VGLL3: variants seen among roughly 807,000 people sequenced by gnomAD.
VGLL3 encodes the protein vestigial like family member 3, also known as transcription cofactor vestigial-like protein 3.
Under a neutral mutation model 29.2 loss-of-function variants are expected in VGLL3, and 18 were observed. The observed-to-expected ratio is 0.62, with a 90% CI of 0.43 to 0.91. VGLL3 has a LOEUF of 0.91. Among genes scored for constraint, VGLL3 ranks in the 40% least tolerant of loss-of-function variants. VGLL3 has a pLI of 0.00. For synonymous variants in VGLL3, 180 were observed against 151.8 expected, an observed-to-expected ratio of 1.19 and a Z score of -1.36; for missense variants, 440 against 413.2, an observed-to-expected ratio of 1.06 and a Z score of -0.56.
At chr3:86,964,587 G>A (rs774494942) in intron 3 of VGLL3, among the ~76,000 whole-genome samples, 50 of 152,180 alleles carry the variant, frequency 3.3e-4, no homozygotes, top group Admixed American at 8.5e-4. Flanking sequence ...AGGTAATTAG[G>A]TTATGAGGGT....
In VGLL3 at chr3:86,943,125, T is replaced by C. The variant is rs1033234579; in HGVS notation, c.*3899A>G. The C allele has an allele frequency of 6.6e-6, 1 of 152,182 alleles. No homozygotes were observed. Among genetic ancestry groups the C allele is most frequent in the African/African-American group, 2.4e-5 (1 of 41,452 alleles). The allele number at this position is 152,182 out of a possible 1,614,324, so 9.4% of individuals were successfully genotyped here. On this transcript the variant is annotated 3_prime_UTR_variant, in exon 4 of 4. Coordinates refer to ENST00000398399, the MANE Select transcript of VGLL3 (RefSeq NM_016206.4). The stretch of plus-strand genomic sequence containing the variant: ...AAGCCCCAAACCACACATAAACTTT[T>C]GGCTAAACTAGAATTTAGAGAATGG...
intron 1 of VGLL3, chr3:86,990,238 A>C: frequency 8.6e-6 from 8 of 926,460 alleles, no homozygotes; most frequent in Non-Finnish European, 1.0e-5. Flanking sequence ...CATCAATAAA[A>C]CCCTGAAACA....
At chr3:86,979,230 G>A (rs1705274697) in intron 1 of VGLL3, among the ~76,000 whole-genome samples, 2 of 152,178 alleles carry the variant, frequency 1.3e-5, no homozygotes, top group South Asian at 4.1e-4. Context: ...AGGAATGACT[G>A]TCTGGGGGTG....
chr3:86,961,040 C>T (rs1005236694), intron 3 of VGLL3, among the ~76,000 whole-genome samples: 1 of 150,696 alleles, frequency 6.6e-6, no homozygotes, highest in African/African-American at 2.4e-5. Flanking sequence ...ATGAATACCT[C>T]AATTCTAAGT....
At chr3:86,965,447 C>T (rs1704938220) in intron 3 of VGLL3, among the ~76,000 whole-genome samples, 1 of 152,128 alleles carries the variant, frequency 6.6e-6, no homozygotes, top group Non-Finnish European at 1.5e-5. Flanking sequence ...TCACTGTTCT[C>T]AACTGCTCTG....
chr3:86,952,356 C>A (rs1704634592), intron 3 of VGLL3, among the ~76,000 whole-genome samples: 1 of 152,104 alleles, frequency 6.6e-6, no homozygotes, highest in Non-Finnish European at 1.5e-5. Context: ...AGAGTCATAA[C>A]CCACTAAATA....
chr3:86,952,205 G>A (rs1704632244), intron 3 of VGLL3, among the ~76,000 whole-genome samples: 1 of 152,266 alleles, frequency 6.6e-6, no homozygotes, highest in East Asian at 1.9e-4. Flanking sequence ...GAATAACGGA[G>A]CTGCCAGTGG....
At chr3:86,976,700 C>T (rs1014157705) in intron 2 of VGLL3, among the ~76,000 whole-genome samples, 1 of 152,192 alleles carries the variant, frequency 6.6e-6, no homozygotes, top group African/African-American at 2.4e-5. Context: ...ACATTCACAA[C>T]ATCCCACTAA....
intron 2 of VGLL3, among the ~76,000 whole-genome samples, chr3:86,972,409 T>G (rs1705120936): frequency 6.6e-6 from 1 of 152,214 alleles, no homozygotes; most frequent in Non-Finnish European, 1.5e-5. Context: ...CATTTACAAT[T>G]GAAACAATAT....
In VGLL3 at chr3:86,974,076, T is replaced by C. The variant is rs1705159271; in HGVS notation, c.403+4450A>G. Among the ~76,000 whole-genome samples the C allele has an allele frequency of 2.6e-5, 4 of 152,126 alleles. No homozygotes were observed. In the South Asian group the frequency reaches 6.2e-4, roughly 24 times the overall value. ...TAGGAGAAGGGTATCAAGAAACATATATTTGTATGGAGATAAGGGACCAAT... is the reference window on the plus strand; with the variant it reads ...TAGGAGAAGGGTATCAAGAAACATACATTTGTATGGAGATAAGGGACCAAT... On this transcript the variant is annotated intron_variant, in intron 2 of 3. Transcript: ENST00000398399.
chr3:86,965,146 G>A (rs1376526543), intron 3 of VGLL3, among the ~76,000 whole-genome samples: 22 of 149,160 alleles, frequency 1.5e-4, no homozygotes, highest in African/African-American at 5.4e-4. Context: ...AACAGAGCCA[G>A]ACTCCATCAA....
chr3:86,988,481 G>C (rs1351207914), intron 1 of VGLL3, among the ~76,000 whole-genome samples: 1 of 151,198 alleles, frequency 6.6e-6, no homozygotes, highest in Non-Finnish European at 1.5e-5. Flanking sequence ...TAAAAATGCT[G>C]TCAGCCTGAT....
Position 86,990,798 on chromosome 3 carries a change from G to C in VGLL3, c.-55C>G. 8.1e-7 allele frequency: 1 copy of C among 1,233,672 alleles called. No individual in the cohort carries two copies. The highest frequency in any genetic ancestry group is 1.0e-6 in the Non-Finnish European group (1 of 982,476). 76.4% of individuals were successfully genotyped at this position (1,233,672 alleles called of 1,614,324 possible). A position where few individuals can be genotyped will look rare whatever the true frequency, so the allele number is the denominator to read the frequency against. ...TGCCGCCGCCGCTCTACGCGCTGGC[G>C]CGAGGGGCGCGGGCGCCGCCGCCGC... On this transcript the variant is annotated 5_prime_UTR_variant, in exon 1 of 4. Coordinates refer to ENST00000398399, the MANE Select transcript of VGLL3 (RefSeq NM_016206.4).
intron 3 of VGLL3, among the ~76,000 whole-genome samples, chr3:86,967,297 T>A (rs1704984793): frequency 6.6e-6 from 1 of 152,160 alleles, no homozygotes; most frequent in African/African-American, 2.4e-5. Context: ...TCCCAAGTTG[T>A]CTTTATTTTG....
Position 86,968,923 on chromosome 3 carries a change from CA to C in VGLL3, c.603del (p.Ala202LeufsTer10). On this transcript the variant is annotated frameshift_variant, in exon 3 of 4. Transcript: ENST00000398399. LOFTEE classifies it high-confidence loss of function. ...NLHQTGPAPPPAVSESWPYPL... is the reference protein window; with the variant it reads ...NLHQTGPAPPXAVSESWPYPL... Reference sequence around the variant, plus strand: ...GGATAAGGCCAGGACTCAGACACAGCAGGGGGAGGGGCTGGGCCAGTCTGAT... The same window carrying C: ...GGATAAGGCCAGGACTCAGACACAGCGGGGGAGGGGCTGGGCCAGTCTGAT... 6.2e-7 allele frequency: 1 copy of C among 1,614,090 alleles called. No homozygotes were observed. Among genetic ancestry groups the C allele is most frequent in the Non-Finnish European group, 8.5e-7 (1 of 1,180,020 alleles).
intron 2 of VGLL3, among the ~76,000 whole-genome samples, chr3:86,976,096 AAG>A (rs1705204774): frequency 1.3e-5 from 2 of 152,050 alleles, no homozygotes; most frequent in African/African-American, 4.8e-5. Flanking sequence ...CCTGGGTGAC[AAG>A]AGCGAAACTC....
intron 1 of VGLL3, among the ~76,000 whole-genome samples, chr3:86,988,374 C>T (rs967271789): frequency 1.3e-5 from 2 of 151,580 alleles, no homozygotes; most frequent in East Asian, 3.9e-4. Context: ...ATGATAAAAC[C>T]TTATGGAATG....
At chr3:86,990,111 G>A (rs772427584) in intron 1 of VGLL3, among the ~76,000 whole-genome samples, 3 of 152,158 alleles carry the variant, frequency 2.0e-5, no homozygotes, top group Non-Finnish European at 4.4e-5. Context: ...AGAAGTTCTA[G>A]TAACACCCGA....
intron 2 of VGLL3, among the ~76,000 whole-genome samples, chr3:86,972,014 C>T (rs1166161139): frequency 6.6e-6 from 1 of 152,162 alleles, no homozygotes; most frequent in African/African-American, 2.4e-5. Flanking sequence ...TTAAAATCCA[C>T]CATTAAGATG....
Sources: allele counts gnomAD v4.1 joint callset (sites outside exome capture counted in the v4.1 genomes callset), GRCh38; gene constraint gnomAD v4.1.1; transcripts MANE v1.5; gene names NCBI Gene and HGNC (gene_info 2026-07-23, HGNC 2026-07-21).